The following PHF6 variants were observed in gnomAD, a reference collection of about 807,000 sequenced individuals.
The protein encoded by PHF6 is PHD-like zinc finger protein.
A neutral mutation model predicts 34.0 loss-of-function variants in PHF6; 7 were observed. The ratio of observed to expected loss-of-function variants is 0.21; its 90% CI spans 0.12 to 0.39. The LOEUF is 0.39. Among genes scored for constraint, PHF6 ranks in the 10% least tolerant of loss-of-function variants. The pLI, the probability that PHF6 is intolerant of heterozygous loss-of-function variation, is 1.00. For missense variants in PHF6, 128 were observed against 262.8 expected, an observed-to-expected ratio of 0.49 and a Z score of 3.55; for synonymous variants, 89 against 88.4, an observed-to-expected ratio of 1.01 and a Z score of -0.04.
At chrX:134,382,239 A>G (rs892048646) in intron 3 of PHF6, among the ~76,000 whole-genome samples, 11 of 111,991 alleles carry the variant, frequency 9.8e-5, no homozygotes, top group Admixed American at 1.9e-4. Flanking sequence ...ACCAAGATGG[A>G]CCAGGAAAAA....
At chrX:134,417,546 G>A in intron 9 of PHF6, 1 of 321,634 alleles carries the variant, frequency 3.1e-6, no homozygotes. Context: ...TTGAAGCTGG[G>A]CATATGCCAG....
Position 134,380,118 on chromosome X carries a change from G to A in PHF6, c.240+2012G>A, listed in dbSNP as rs1170455015. Reference sequence around the variant, plus strand: ...AACAGCATACATCTGTCAATATTGCGAAGTTCAGTGGAGATTTAATTTATT... The same window carrying A: ...AACAGCATACATCTGTCAATATTGCAAAGTTCAGTGGAGATTTAATTTATT... On this transcript the variant is annotated intron_variant, in intron 3 of 10. Transcript: ENST00000370803. 2.7e-5 allele frequency among the ~76,000 whole-genome samples: 3 copies of A among 109,421 alleles called. No individual in the cohort carries two copies. The Admixed American group carries it at 2.9e-4, about 11-fold the overall frequency.
At chrX:134,397,338 T>C (rs1236859723) in intron 5 of PHF6, among the ~76,000 whole-genome samples, 2 of 112,040 alleles carry the variant, frequency 1.8e-5, no homozygotes, top group Non-Finnish European at 3.8e-5. Flanking sequence ...GCCTATAAAA[T>C]GATTCGAAAC....
At chrX:134,379,327 A>G (rs1270033159) in intron 3 of PHF6, among the ~76,000 whole-genome samples, 1 of 109,681 alleles carries the variant, frequency 9.1e-6, no homozygotes, top group African/African-American at 3.3e-5. Flanking sequence ...TTTCTGTTGT[A>G]GTGAGACCTT....
intron 3 of PHF6, among the ~76,000 whole-genome samples, chrX:134,388,210 G>C (rs1428099761): frequency 9.0e-6 from 1 of 111,727 alleles, no homozygotes; most frequent in African/African-American, 3.3e-5. Flanking sequence ...TGGAGTTAAG[G>C]AGCATTTTTG....
chrX:134,389,988 ATGAAT>A (rs2077346471), intron 3 of PHF6, among the ~76,000 whole-genome samples: 1 of 104,432 alleles, frequency 9.6e-6, no homozygotes, highest in African/African-American at 3.6e-5. Flanking sequence ...TCTGTCTAGA[ATGAAT>A]TGATTGATAA....
At chrX:134,410,897 T>A (rs1280048089) in intron 5 of PHF6, among the ~76,000 whole-genome samples, 1 of 108,479 alleles carries the variant, frequency 9.2e-6, no homozygotes, top group Non-Finnish European at 1.9e-5. Flanking sequence ...GTGATCCAAC[T>A]GCCTCAGCCA....
At chrX:134,410,318 T>C (rs2077444641) in intron 5 of PHF6, among the ~76,000 whole-genome samples, 1 of 111,970 alleles carries the variant, frequency 8.9e-6, no homozygotes, top group Non-Finnish European at 1.9e-5. Context: ...TTTTGACTCT[T>C]TAATAATAGC....
At chrX:134,408,253 T>C (rs1482662214) in intron 5 of PHF6, among the ~76,000 whole-genome samples, 1 of 112,479 alleles carries the variant, frequency 8.9e-6, no homozygotes, top group East Asian at 2.8e-4. Flanking sequence ...TTAATAAAAT[T>C]GGTTATATCT....
rs559840079 is a variant in PHF6, at chrX:134,390,812, C to G, written c.241-2689C>G. The stretch of plus-strand genomic sequence containing the variant: ...TATAAACATAGTTGGGTTCATAATT[C>G]ACATAGTTTTGTATCCTGCCTCATT... On this transcript the variant is annotated intron_variant, in intron 3 of 10. Transcript: ENST00000370803. 2.0e-4 allele frequency among the ~76,000 whole-genome samples: 22 copies of G among 110,889 alleles called. No individual in the cohort carries two copies. The South Asian group carries it at 8.4e-3, about 42-fold the overall frequency.
At chrX:134,381,397 A>C (rs1206853877) in intron 3 of PHF6, among the ~76,000 whole-genome samples, 1 of 111,488 alleles carries the variant, frequency 9.0e-6, no homozygotes, top group Non-Finnish European at 1.9e-5. Context: ...AAGCAATAAA[A>C]GGGCTATGAA....
chrX:134,413,240 T>C (rs2124247940), intron 5 of PHF6, among the ~76,000 whole-genome samples: 1 of 111,762 alleles, frequency 8.9e-6, no homozygotes, highest in African/African-American at 3.2e-5. Context: ...TACAAACTCT[T>C]TGAAACCTAT....
At chrX:134,417,035 T>C (rs866625976) in intron 8 of PHF6, 134 bp from the exon 9 acceptor site, 2 of 680,163 alleles carry the variant, frequency 2.9e-6, no homozygotes, top group South Asian at 2.6e-5. Context: ...AGAGGGCTTA[T>C]CAAAGTATGG....
chrX:134,413,323 T>C (rs1433358642), intron 5 of PHF6, among the ~76,000 whole-genome samples, 168 bp from the exon 6 acceptor site: 1 of 112,064 alleles, frequency 8.9e-6, no homozygotes, highest in Non-Finnish European at 1.9e-5. Flanking sequence ...TTGATTTTTA[T>C]TGCATTTATC....
At chrX:134,382,761 G>A (rs915858589) in intron 3 of PHF6, among the ~76,000 whole-genome samples, 5 of 109,226 alleles carry the variant, frequency 4.6e-5, no homozygotes, top group African/African-American at 6.7e-5. Flanking sequence ...TAGAGACAGG[G>A]TTTACCACGT....
At chrX:134,405,969 C>T (rs760391400) in intron 5 of PHF6, among the ~76,000 whole-genome samples, 2 of 109,788 alleles carry the variant, frequency 1.8e-5, no homozygotes, top group African/African-American at 3.3e-5. Flanking sequence ...AAAGGCAGGG[C>T]GAATGTCCTC....
chrX:134,413,183 T>C (rs1041552859), intron 5 of PHF6, among the ~76,000 whole-genome samples: 16 of 112,250 alleles, frequency 1.4e-4, no homozygotes, highest in Admixed American at 1.3e-3. Flanking sequence ...TTTCATTTAG[T>C]TTTCCAAGTT....
chrX:134,416,073 C>G (rs2077471546), intron 8 of PHF6, among the ~76,000 whole-genome samples: 1 of 110,014 alleles, frequency 9.1e-6, no homozygotes, highest in African/African-American at 3.3e-5. Flanking sequence ...GATTCCCGTG[C>G]CTCAGTTTCC....
intron 3 of PHF6, among the ~76,000 whole-genome samples, chrX:134,385,406 G>A (rs1021529077): frequency 1.3e-4 from 15 of 112,101 alleles, no homozygotes; most frequent in Admixed American, 1.3e-3. Context: ...TTGACTCTGG[G>A]AGAGTAAGAC....
Sources: allele counts gnomAD v4.1 joint callset (sites outside exome capture counted in the v4.1 genomes callset), GRCh38; gene constraint gnomAD v4.1.1; transcripts MANE v1.5; gene names NCBI Gene and HGNC (gene_info 2026-07-23, HGNC 2026-07-21).